The following DSCAML1 variants were observed in gnomAD, a reference collection of about 807,000 sequenced individuals.
DSCAML1 encodes the protein DS cell adhesion molecule like 1.
DSCAML1 carries 38 observed loss-of-function variants against 200.5 expected under a neutral mutation model. That is an observed-to-expected ratio of 0.19 (90% confidence interval 0.15 to 0.25). The LOEUF (loss-of-function observed/expected upper bound fraction) is 0.25, where lower values mean the gene tolerates loss of function less well. Among genes scored for constraint, DSCAML1 ranks in the 10% least tolerant of loss-of-function variants. DSCAML1 has a pLI of 1.00. For missense variants in DSCAML1, 2,223 were observed against 2,858.8 expected, an observed-to-expected ratio of 0.78 and a Z score of 5.07; for synonymous variants, 1,215 against 1,165.0, an observed-to-expected ratio of 1.04 and a Z score of -0.87.
chr11:117,647,758 GGA>G, intron 3 of DSCAML1, among the ~76,000 whole-genome samples: 1 of 152,138 alleles, frequency 6.6e-6, no homozygotes, highest in Non-Finnish European at 1.5e-5. Flanking sequence ...TACAGTGGAG[GGA>G]GAGAGAGCAA....
At chr11:117,807,026 C>T (rs1211925175) in intron 1 of DSCAML1, among the ~76,000 whole-genome samples, 1 of 152,204 alleles carries the variant, frequency 6.6e-6, no homozygotes, top group Non-Finnish European at 1.5e-5. Flanking sequence ...TTCTCAATCA[C>T]AATACTTTTT....
rs868719705 is a variant in DSCAML1, at chr11:117,524,889, G to A, written c.853C>T (p.Arg285Trp). The A allele has an allele frequency of 1.9e-6, 3 of 1,611,554 alleles. No homozygotes were observed. The highest frequency in any genetic ancestry group is 2.5e-6 in the Non-Finnish European group (3 of 1,179,040). The change falls in exon 5 of 33, where the codon CGG becomes TGG. Residue 285 changes from arginine (R) to tryptophan (W), a missense_variant. By Grantham distance (101) the Arg-to-Trp change is moderately radical. Coordinates refer to ENST00000651296, the MANE Select transcript of DSCAML1 (RefSeq NM_020693.4). ...ATGTAGGTGCCGCTGTCCTCGGTCC[G>A]CAAGTCGCTGATGGTCAGCCCTGTG... is the stretch of plus-strand genomic sequence containing the variant. ...RITGLTISDL[R>W]TEDSGTYICE...
chr11:117,493,303 C>A (rs926702684), intron 11 of DSCAML1, among the ~76,000 whole-genome samples: 4 of 150,656 alleles, frequency 2.7e-5, no homozygotes, highest in African/African-American at 9.8e-5. Context: ...CAGTTTTCCC[C>A]CTGCCTCTGG....
intron 14 of DSCAML1, among the ~76,000 whole-genome samples, chr11:117,474,836 G>A (rs1370163959): frequency 1.3e-5 from 2 of 151,078 alleles, no homozygotes; most frequent in African/African-American, 4.9e-5. Flanking sequence ...CTTACTGCAA[G>A]CTCCGCCTCC....
intron 3 of DSCAML1, among the ~76,000 whole-genome samples, chr11:117,761,143 T>A (rs115294501): frequency 1.4e-3 from 217 of 152,286 alleles, no homozygotes; most frequent in African/African-American, 4.9e-3. Context: ...TACTCACATC[T>A]GAACACCCAG....
At chr11:117,679,879 G>A (rs758328306) in intron 3 of DSCAML1, among the ~76,000 whole-genome samples, 14 of 152,190 alleles carry the variant, frequency 9.2e-5, no homozygotes, top group Non-Finnish European at 1.5e-5. Flanking sequence ...GAATTCAGAT[G>A]TCAGATATGA....
At chr11:117,569,165 A>G (rs57177947) in intron 3 of DSCAML1, among the ~76,000 whole-genome samples, 12,124 of 152,250 alleles carry the variant, frequency 0.08, 532 homozygotes, top group Middle Eastern at 0.14. Context: ...CTGGCTAGCC[A>G]TATGTAGAAA....
At position 117,743,539 on chromosome 11, in the gene DSCAML1, G is replaced by A. The variant is rs146742396; in HGVS notation, c.511+33252C>T. ...CCCAACATACAGGATGCTGAGCAGC[G>A]TCTGACACCTTGGGGCCACCTCAGC... On this transcript the variant is annotated intron_variant, in intron 3 of 32. Transcript: ENST00000651296. Among the ~76,000 whole-genome samples, 64 of 152,266 alleles carry A rather than the reference G, an allele frequency of 4.2e-4. No individual in the cohort carries two copies. In the East Asian group the frequency reaches 9.9e-3, roughly 23 times the overall value.
intron 3 of DSCAML1, among the ~76,000 whole-genome samples, chr11:117,649,041 A>ATATATGTATGTATG (rs768621807): frequency 7.3e-6 from 1 of 137,846 alleles, no homozygotes; most frequent in African/African-American, 2.9e-5. Context: ...CTCCATATAT[A>ATATATGTATGTATG]TGTGTGTGTG....
intron 32 of DSCAML1, among the ~76,000 whole-genome samples, chr11:117,430,457 G>A (rs758031357): frequency 3.3e-5 from 5 of 152,328 alleles, no homozygotes; most frequent in Non-Finnish European, 4.4e-5. Flanking sequence ...AGATACTATC[G>A]TTGGCATTTT....
At chr11:117,686,283 G>A (rs2053399706) in intron 3 of DSCAML1, among the ~76,000 whole-genome samples, 3 of 152,236 alleles carry the variant, frequency 2.0e-5, no homozygotes, top group African/African-American at 7.2e-5. Context: ...ATGGGCAGAG[G>A]TGCGGTCAAG....
chr11:117,719,799 G>A (rs2054013938), intron 3 of DSCAML1, among the ~76,000 whole-genome samples: 1 of 152,130 alleles, frequency 6.6e-6, no homozygotes, highest in African/African-American at 2.4e-5. Flanking sequence ...ACTTTCTTTG[G>A]AGGTAGGTCA....
intron 3 of DSCAML1, among the ~76,000 whole-genome samples, chr11:117,697,909 C>CT (rs1360960264): frequency 1.1e-4 from 17 of 152,014 alleles, no homozygotes; most frequent in South Asian, 4.2e-4. Context: ...GTAGCTGGGA[C>CT]TACAGGTGCA....
chr11:117,664,369 G>C (rs527789946), intron 3 of DSCAML1, among the ~76,000 whole-genome samples: 39 of 152,352 alleles, frequency 2.6e-4, no homozygotes, highest in Middle Eastern at 3.4e-3. Flanking sequence ...ATGAATTGCA[G>C]TGGGATAGAG....
chr11:117,600,224 G>C (rs1237034252), intron 3 of DSCAML1, among the ~76,000 whole-genome samples: 2 of 152,214 alleles, frequency 1.3e-5, no homozygotes, highest in East Asian at 3.9e-4. Context: ...AGTTCCTGGG[G>C]ACGGGCTGGG....
At chr11:117,676,790 G>C (rs554989262) in intron 3 of DSCAML1, among the ~76,000 whole-genome samples, 1 of 152,350 alleles carries the variant, frequency 6.6e-6, no homozygotes, top group Non-Finnish European at 1.5e-5. Context: ...GGAGCTGCGG[G>C]CTCCCAGAGG....
chr11:117,769,167 T>C lies in DSCAML1; in HGVS notation c.511+7624A>G, dbSNP rs1416279892. Among the ~76,000 whole-genome samples the C allele has an allele frequency of 1.0e-3, 26 of 24,866 alleles. No individual in the cohort carries two copies. In the East Asian group the frequency reaches 0.095, roughly 90 times the overall value. 16.3% of individuals were successfully genotyped at this position (24,866 alleles called of 152,430 possible). On this transcript the variant is annotated intron_variant, in intron 3 of 32. Transcript: ENST00000651296. ...TTATATATATTTTATATATATTATA[T>C]ATTTTATATATATTATACATATATA... is the stretch of plus-strand genomic sequence containing the variant.
chr11:117,752,608 T>C (rs552341627), intron 3 of DSCAML1, among the ~76,000 whole-genome samples: 1 of 152,300 alleles, frequency 6.6e-6, no homozygotes, highest in Non-Finnish European at 1.5e-5. Flanking sequence ...GGTTGGAACT[T>C]GGGCCTATTC....
intron 20 of DSCAML1, among the ~76,000 whole-genome samples, chr11:117,447,232 G>T (rs530987824): frequency 6.6e-6 from 1 of 152,154 alleles, no homozygotes; most frequent in Non-Finnish European, 1.5e-5. Flanking sequence ...AGGATACAGC[G>T]AGCTGAGATG....
Sources: gnomAD v4.1 joint callset for allele counts (sites outside exome capture counted in the v4.1 genomes callset) on GRCh38, gnomAD v4.1.1 for gene constraint, MANE v1.5 for transcripts, NCBI Gene and HGNC (gene_info 2026-07-23, HGNC 2026-07-21) for gene names.